The following CHI3L1 variants were observed in gnomAD, a reference collection of about 807,000 sequenced individuals.
CHI3L1 encodes the protein chitinase-3-like protein 1.
A neutral mutation model predicts 40.7 loss-of-function variants in CHI3L1; 30 were observed. The ratio of observed to expected loss-of-function variants is 0.74; its 90% confidence interval spans 0.55 to 1.00. CHI3L1 has a LOEUF of 1.00. Ranked by LOEUF, CHI3L1 falls within the 50% of genes least tolerant of loss-of-function variation. The probability of loss-of-function intolerance (pLI) is 0.00; values close to 1 mark genes in which losing one functional copy is unlikely to be tolerated. For missense variants in CHI3L1, 493 were observed against 492.2 expected (o/e 1.00, Z -0.01); for synonymous variants, 210 against 192.1 (o/e 1.09, Z -0.77).
rs145648214 is a variant in CHI3L1, at chr1:203,179,453, C to A, written c.1144G>T (p.Ala382Ser). The A allele has an allele frequency of 3.1e-5, 48 of 1,536,866 alleles. No individual in the cohort carries two copies. The African/African-American group carries it at 5.5e-4, about 18-fold the overall frequency. The change falls in exon 10 of 10, where the codon GCA (alanine) becomes TCA (serine). Residue 382 changes from alanine (A) to serine (S), a missense_variant. Ala to Ser is a moderately conservative substitution (Grantham distance 99). Coordinates refer to ENST00000255409, the MANE Select transcript of CHI3L1 (RefSeq NM_001276.4). ...LTNAIKDALA[A>S]T ...GTGTGCAGAACAGAGGGCTACGTTG[C>A]AGCGAGTGCATCCTTGATGGCATTG...
chr1:203,185,392 G>A lies in CHI3L1; in HGVS notation c.56-7C>T. The A allele has an allele frequency of 3.7e-6, 6 of 1,613,666 alleles. No individual in the cohort carries two copies. The highest frequency in any genetic ancestry group is 1.1e-5 in the South Asian group (1 of 91,046). ...ACCAGTTTGTATGCAGAGCCTGAAG[G>A]AGAAGTCTGGGATGGGGCCCGGGCC... On this transcript the variant is annotated splice_region_variant and splice_polypyrimidine_tract_variant and intron_variant, in intron 2 of 9. Transcript: ENST00000255409.
Position 203,180,450 on chromosome 1 carries a change from C to T in CHI3L1, c.894+20G>A. ...TGCTGGTGGTGTGGGGGAATCCTACCTTCTCCCCAACTCCATTACCTCATA... is the reference window on the plus strand; with the variant it reads ...TGCTGGTGGTGTGGGGGAATCCTACTTTCTCCCCAACTCCATTACCTCATA... On this transcript the variant is annotated intron_variant, in intron 8 of 9. Coordinates refer to ENST00000255409, the MANE Select transcript of CHI3L1 (RefSeq NM_001276.4). The T allele has an allele frequency of 6.5e-7, 1 of 1,528,632 alleles. No homozygotes were observed. The allele number at this position is 1,528,632 out of a possible 1,614,324, so 94.7% of individuals were successfully genotyped here. A position where few individuals can be genotyped will look rare whatever the true frequency, so the allele number is the denominator to read the frequency against.
chr1:203,180,297 G>A, intron 8 of CHI3L1, 173 bp downstream of exon 8: 1 of 634,252 alleles, frequency 1.6e-6, no homozygotes, highest in Non-Finnish European at 2.7e-6. Context: ...ACCTGCTGGA[G>A]ATTTTCAGCA....
At chr1:203,184,677 T>C in intron 3 of CHI3L1, 45 bp from the exon 4 acceptor site, 3 of 1,541,954 alleles carry the variant, frequency 1.9e-6, no homozygotes, top group East Asian at 2.2e-5. Context: ...GGAATGACAT[T>C]GTCATGACAC....
At chr1:203,181,017 G>T in intron 7 of CHI3L1, 145 bp downstream of exon 7, 3 of 1,119,962 alleles carry the variant, frequency 2.7e-6, no homozygotes, top group Non-Finnish European at 3.8e-6. Flanking sequence ...CAGACTTTGG[G>T]CCTCAGTTTC....
rs148946875 is a variant in CHI3L1 at position 203,179,835 on chromosome 1, C to A, written c.937G>T (p.Gly313Cys). 1.1e-5 allele frequency: 17 copies of A among 1,614,120 alleles called. No homozygotes were observed. The highest frequency in any genetic ancestry group is 1.4e-5 in the Non-Finnish European group (16 of 1,180,002). The change falls in exon 9 of 10, where the codon GGC (glycine) becomes TGC (cysteine). Residue 313 changes from glycine to cysteine, a missense_variant. Transcript: ENST00000255409. Reference protein sequence around the residue: ...LRGATVHRILGQQVPYATKGN... With the variant: ...LRGATVHRILCQQVPYATKGN... ...TTGGTGGCATAGGGGACCTGCTGGC[C>A]GAGGATTCTATGGACTGTGGCTCCG...
chr1:203,186,515 C>T (rs970582012), intron 1 of CHI3L1, 84 bp downstream of exon 1: 39 of 1,587,704 alleles, frequency 2.5e-5, no homozygotes, highest in Non-Finnish European at 3.2e-5. Context: ...CTTAGTCCCT[C>T]ACCCAGCAGG....
chr1:203,182,648 A>G (rs1655959517), intron 6 of CHI3L1, 83 bp downstream of exon 6: 3 of 1,524,596 alleles, frequency 2.0e-6, no homozygotes, highest in African/African-American at 1.4e-5. Context: ...CTCAGTCTAC[A>G]TGGAGTGCTA....
Position 203,179,491 on chromosome 1 carries a change from C to T in CHI3L1, c.1106G>A (p.Arg369His), listed in dbSNP as rs763383345. 5.7e-6 allele frequency: 9 copies of T among 1,570,916 alleles called. No individual in the cohort carries two copies. In the Admixed American group the frequency reaches 7.3e-5, roughly 13 times the overall value. ...FQGSFCGQDLRFPLTNAIKDA... is the reference protein window; with the variant it reads ...FQGSFCGQDLHFPLTNAIKDA... Reference sequence around the variant, plus strand: ...CTTGATGGCATTGGTGAGAGGGAAGCGCAGATCCTGGCCACAGAAGGAGCC... The same window carrying T: ...CTTGATGGCATTGGTGAGAGGGAAGTGCAGATCCTGGCCACAGAAGGAGCC... Residue 369 changes from arginine to histidine, a missense_variant, in exon 10 of 10, where the codon CGC (arginine) becomes CAC (histidine). Arg to His is a conservative substitution (Grantham distance 29). Transcript: ENST00000255409.
Position 203,181,466 on chromosome 1 carries a change from C to T in CHI3L1, c.588-181G>A, listed in dbSNP as rs116199381. 2.6e-3 allele frequency: 1,286 copies of T among 499,416 alleles called. 6 individuals are homozygous for T. The highest frequency in any genetic ancestry group is 0.019 in the African/African-American group (959 of 50,020). 30.9% of individuals were successfully genotyped at this position (499,416 alleles called of 1,614,324 possible). ...TGAAACCCCGTCTCTACTCTAACTA[C>T]GAAAATTAGCCAGGCATGGTGGCAG... On this transcript the variant is annotated intron_variant, in intron 6 of 9. Coordinates refer to ENST00000255409, the MANE Select transcript of CHI3L1 (RefSeq NM_001276.4).
intron 5 of CHI3L1, among the ~76,000 whole-genome samples, 188 bp from the exon 6 acceptor site, chr1:203,183,040 C>T (rs138076317): frequency 2.0e-5 from 3 of 152,294 alleles, no homozygotes; most frequent in Admixed American, 6.5e-5. Context: ...TCCTAAAAAA[C>T]TGACTAATCT....
intron 1 of CHI3L1, 34 bp from the exon 2 acceptor site, chr1:203,186,379 T>G (rs1413444876): frequency 1.3e-6 from 2 of 1,579,556 alleles, no homozygotes; most frequent in Non-Finnish European, 1.7e-6. Flanking sequence ...CCCCTGCAAG[T>G]GCATCCTGCC....
intron 6 of CHI3L1, among the ~76,000 whole-genome samples, chr1:203,182,412 T>C (rs552868373): frequency 1.5e-4 from 23 of 152,362 alleles, no homozygotes; most frequent in African/African-American, 5.3e-4. Flanking sequence ...GAGAAAATAC[T>C]CTGCAATAGC....
chr1:203,183,813 T>A, intron 4 of CHI3L1, 22 bp from the exon 5 acceptor site: 2 of 1,614,014 alleles, frequency 1.2e-6, no homozygotes, highest in Non-Finnish European at 1.7e-6. Flanking sequence ...ATCAGCCCTG[T>A]AGCATGCTCA....
At position 203,184,652 on chromosome 1, in the gene CHI3L1, G is replaced by A. The variant is rs1471810612; in HGVS notation, c.258-20C>T. On this transcript the variant is annotated intron_variant, in intron 3 of 9. Transcript: ENST00000255409. ...GGGTTCCTGTGGAGCACAGGGAGGT[G>A]GGGAGGGCAGGAGTGGAATGACATT... 2.5e-6 allele frequency: 4 copies of A among 1,608,190 alleles called. No individual in the cohort carries two copies. Among genetic ancestry groups the A allele is most frequent in the South Asian group, 1.1e-5 (1 of 90,984 alleles).
At chr1:203,183,911 G>T in intron 4 of CHI3L1, 120 bp from the exon 5 acceptor site, 1 of 1,131,586 alleles carries the variant, frequency 8.8e-7, no homozygotes, top group Non-Finnish European at 1.3e-6. Flanking sequence ...CTCTGGGAGG[G>T]CATGATTGGG....
At chr1:203,180,676 A>C in intron 7 of CHI3L1, 24 bp from the exon 8 acceptor site, 2 of 1,557,322 alleles carry the variant, frequency 1.3e-6, no homozygotes, top group Non-Finnish European at 1.7e-6. Context: ...GGTGGGAACA[A>C]CGTGAGCAGT....
At position 203,179,752 on chromosome 1, in the gene CHI3L1, G is replaced by A. The variant is rs1355500648; in HGVS notation, c.1011+9C>T. Reference sequence around the variant, plus strand: ...CTTTGTCCTGAGGTGTGGCCTTGGGGAAACCTACCTTGCTTTTGACGCTTT... The same window carrying A: ...CTTTGTCCTGAGGTGTGGCCTTGGGAAAACCTACCTTGCTTTTGACGCTTT... On this transcript the variant is annotated intron_variant, in intron 9 of 9. Coordinates refer to ENST00000255409, the MANE Select transcript of CHI3L1 (RefSeq NM_001276.4). 3 of 1,614,082 alleles carry A rather than the reference G, an allele frequency of 1.9e-6. No homozygotes were observed. Among genetic ancestry groups the A allele is most frequent in the Non-Finnish European group, 2.5e-6 (3 of 1,180,050 alleles).
rs1656063875 is a variant in CHI3L1 at position 203,186,692 on chromosome 1, T to C, written c.-69A>G. 1 of 1,579,786 alleles carries C rather than the reference T, an allele frequency of 6.3e-7. No homozygotes were observed. Among genetic ancestry groups the C allele is most frequent in the Admixed American group, 1.7e-5 (1 of 59,978 alleles). ...CCCACGGCTCCTGGTGCCAGCTACC[T>C]AGACAGGGCCTCTTCCCCAGGCCCT... On this transcript the variant is annotated 5_prime_UTR_variant, in exon 1 of 10. Transcript: ENST00000255409.
Sources: allele counts gnomAD v4.1 joint callset (sites outside exome capture counted in the v4.1 genomes callset), GRCh38; gene constraint gnomAD v4.1.1; transcripts MANE v1.5; gene names NCBI Gene and HGNC (gene_info 2026-07-23, HGNC 2026-07-21).